CLIC5: variants seen among roughly 807,000 people sequenced by gnomAD.
The protein encoded by CLIC5 is CLIC family member 5, also known as chloride intracellular channel protein 5.
In CLIC5, 20 loss-of-function variants were observed where a neutral mutation model predicts 24.7. That is an observed-to-expected ratio of 0.81 (90% CI 0.57 to 1.18). The LOEUF is 1.18. Ranked by LOEUF, CLIC5 falls within the 50% of genes most tolerant of loss-of-function variation. The pLI is 0.00. For missense variants in CLIC5, 341 were observed against 326.1 expected (o/e 1.05, Z -0.35); for synonymous variants, 159 against 135.6 (o/e 1.17, Z -1.20).
intron 6 of CLIC5, among the ~76,000 whole-genome samples, chr6:45,885,235 G>A (rs548004544): frequency 6.6e-6 from 1 of 152,224 alleles, no homozygotes; most frequent in South Asian, 2.1e-4. Flanking sequence ...ATCTCACAGA[G>A]CTCTCTCGCC....
intron 6 of CLIC5, among the ~76,000 whole-genome samples, chr6:45,891,378 C>G (rs114350636): frequency 6.6e-6 from 1 of 152,116 alleles, no homozygotes; most frequent in African/African-American, 2.4e-5. Context: ...TGGCTCACCC[C>G]GGTAATTCCA....
At chr6:46,067,798 G>A (rs1386009116) in intron 1 of CLIC5, among the ~76,000 whole-genome samples, 2 of 152,154 alleles carry the variant, frequency 1.3e-5, no homozygotes, top group Non-Finnish European at 2.9e-5. Context: ...ATAGTCCCTT[G>A]CATCAAGGGG....
At chr6:46,009,789 G>A (rs1443041562) in intron 1 of CLIC5, among the ~76,000 whole-genome samples, 1 of 152,174 alleles carries the variant, frequency 6.6e-6, no homozygotes, top group East Asian at 1.9e-4. Context: ...CCCTGGCCTG[G>A]CTACCAGGAG....
intron 6 of CLIC5, among the ~76,000 whole-genome samples, chr6:45,884,360 C>T (rs767009710): frequency 7.9e-5 from 12 of 152,114 alleles, no homozygotes; most frequent in Admixed American, 6.5e-5. Context: ...AGAGGAGAAA[C>T]CAGATGCAGG....
rs1473326233 is a variant in CLIC5, at chr6:45,900,735, C to A, written c.*2353G>T. The A allele has an allele frequency of 1.3e-5, 2 of 152,118 alleles. No individual in the cohort carries two copies. The highest frequency in any genetic ancestry group is 4.8e-5 in the African/African-American group (2 of 41,414). The allele number at this position is 152,118 out of a possible 1,614,324, so 9.4% of individuals were successfully genotyped here. A position where few individuals can be genotyped will look rare whatever the true frequency, so the allele number is the denominator to read the frequency against. ...TCCTCCCTCTCTTTCAAATGGCTAT[C>A]ATTGATCATATAACACCCCCACCTC... On this transcript the variant is annotated 3_prime_UTR_variant, in exon 6 of 6. Coordinates refer to ENST00000339561, the MANE Select transcript of CLIC5 (RefSeq NM_016929.5).
At position 45,948,110 on chromosome 6, in the gene CLIC5, A is replaced by G. The variant is rs146062077; in HGVS notation, c.299+1146T>C. Among the ~76,000 whole-genome samples the G allele has an allele frequency of 1.8e-3, 276 of 152,348 alleles. 2 individuals carry two copies. The highest frequency in any genetic ancestry group is 6.4e-3 in the African/African-American group (265 of 41,580). On this transcript the variant is annotated intron_variant, in intron 3 of 5. Coordinates refer to ENST00000339561, the MANE Select transcript of CLIC5 (RefSeq NM_016929.5). ...GGATAATGATAGTACCTAGGATGCT[A>G]GAAGGATGAAATGAATCATATTAGC...
At chr6:45,963,787 A>G (rs1764928983) in intron 1 of CLIC5, among the ~76,000 whole-genome samples, 1 of 152,182 alleles carries the variant, frequency 6.6e-6, no homozygotes, top group Admixed American at 6.5e-5. Context: ...ATGTTATTCT[A>G]GAATTTGCCT....
At chr6:46,085,725 C>G in the CLIC5 span, among the ~76,000 whole-genome samples, 14 of 152,306 alleles carry the variant, frequency 9.2e-5, 1 homozygote, top group African/African-American at 3.1e-4. Context: ...CTTGAGGAGG[C>G]AGTCTGCCCG....
chr6:45,942,539 G>T (rs553277801), intron 3 of CLIC5, among the ~76,000 whole-genome samples: 2 of 152,150 alleles, frequency 1.3e-5, no homozygotes, highest in Non-Finnish European at 2.9e-5. Flanking sequence ...GGAGACAGTC[G>T]CCAGGCTATC....
At chr6:45,972,589 C>A (rs1765237199) in intron 1 of CLIC5, among the ~76,000 whole-genome samples, 1 of 152,168 alleles carries the variant, frequency 6.6e-6, no homozygotes, top group African/African-American at 2.4e-5. Flanking sequence ...AAAGTAGGTC[C>A]ACAGACCAGC....
intron 1 of CLIC5, among the ~76,000 whole-genome samples, chr6:46,022,021 A>T (rs764810115): frequency 6.6e-6 from 1 of 152,252 alleles, no homozygotes; most frequent in Non-Finnish European, 1.5e-5. Flanking sequence ...TTTGCTTCAA[A>T]TCTGTAACAT....
At chr6:45,954,721 G>A (rs186690892) in intron 2 of CLIC5, among the ~76,000 whole-genome samples, 2 of 152,314 alleles carry the variant, frequency 1.3e-5, no homozygotes, top group Admixed American at 6.5e-5. Context: ...TGGGAACATA[G>A]CATGGGAAAG....
intron 5 of CLIC5, among the ~76,000 whole-genome samples, chr6:45,911,425 G>A (rs1248197086): frequency 1.3e-5 from 2 of 152,182 alleles, no homozygotes; most frequent in Admixed American, 6.5e-5. Context: ...TTCACTGAAA[G>A]ATGATGATCC....
chr6:46,125,454 A>T, the CLIC5 span, among the ~76,000 whole-genome samples: 21 of 152,164 alleles, frequency 1.4e-4, no homozygotes. Context: ...GAGGGATAGC[A>T]TTAGGAGATA....
chr6:46,044,689 A>G (rs1581894889), intron 1 of CLIC5, among the ~76,000 whole-genome samples: 1 of 152,180 alleles, frequency 6.6e-6, no homozygotes, highest in Non-Finnish European at 1.5e-5. Context: ...CTAAACAGTC[A>G]TCTATTTTTC....
intron 5 of CLIC5, among the ~76,000 whole-genome samples, chr6:45,907,355 C>G (rs1328026031): frequency 1.3e-5 from 2 of 152,170 alleles, no homozygotes; most frequent in Non-Finnish European, 2.9e-5. Context: ...TTGAACCAAC[C>G]ATGCATCCTA....
chr6:45,939,727 A>G (rs929938060), intron 4 of CLIC5, among the ~76,000 whole-genome samples: 8 of 148,786 alleles, frequency 5.4e-5, no homozygotes, highest in African/African-American at 1.7e-4. Flanking sequence ...TGCAGCTTCG[A>G]CCTCCCAGGT....
intron 4 of CLIC5, among the ~76,000 whole-genome samples, chr6:45,924,752 G>A (rs988245178): frequency 1.4e-5 from 2 of 143,794 alleles, no homozygotes; most frequent in African/African-American, 5.1e-5. Context: ...GTTACTAGTA[G>A]AAGACAGAGC....
At chr6:45,943,984 G>A (rs770225960) in intron 3 of CLIC5, among the ~76,000 whole-genome samples, 5 of 152,128 alleles carry the variant, frequency 3.3e-5, no homozygotes, top group Non-Finnish European at 7.4e-5. Context: ...TATTTATGGC[G>A]TGTTTTAAAT....
Sources: allele counts gnomAD v4.1 joint callset (sites outside exome capture counted in the v4.1 genomes callset), GRCh38; gene constraint gnomAD v4.1.1; transcripts MANE v1.5; gene names NCBI Gene and HGNC (gene_info 2026-07-23, HGNC 2026-07-21).